The following FAM153A variants were observed in gnomAD, a reference collection of about 807,000 sequenced individuals.
FAM153A encodes protein FAM153A.
In FAM153A, 12 loss-of-function variants were observed where a neutral mutation model predicts 48.1. The ratio of observed to expected loss-of-function variants is 0.25; its 90% CI spans 0.16 to 0.40. The LOEUF is 0.40. FAM153A is among the 10% of genes least tolerant of loss of function. The probability of loss-of-function intolerance (pLI) is 1.00; values close to 1 mark genes in which losing one functional copy is unlikely to be tolerated. For missense variants in FAM153A, 111 were observed against 345.8 expected (o/e 0.32, Z 5.38); for synonymous variants, 36 against 118.2 (o/e 0.30, Z 4.51).
Position 177,778,426 on chromosome 5 carries a change from G to A in FAM153A, c.-57+2023C>T, listed in dbSNP as rs562650049. 1.4e-4 allele frequency among the ~76,000 whole-genome samples: 13 copies of A among 93,128 alleles called. 3 individuals are homozygous for A. In the East Asian group the frequency reaches 4.2e-3, roughly 30 times the overall value. The allele number at this position is 93,128 out of a possible 152,430, so 61.1% of individuals were successfully genotyped here. A position where few individuals can be genotyped will look rare whatever the true frequency, so the allele number is the denominator to read the frequency against. On this transcript the variant is annotated intron_variant, in intron 1 of 8. Coordinates refer to the FAM153A transcript ENST00000393518. ...TTCTAGAAAAAAAAAAAAATGAAAA[G>A]GTGGTCAATTTTCTGCAACTCAACT...
At chr5:177,696,651 G>A in the FAM153A span, among the ~76,000 whole-genome samples, 1 of 149,828 alleles carries the variant, frequency 6.7e-6, no homozygotes, top group Non-Finnish European at 1.5e-5. Flanking sequence ...CAATCCCTAT[G>A]CCAGTACACT....
At chr5:177,705,905 G>T (rs536809414), downstream of FAM153A, among the ~76,000 whole-genome samples, 1,964 of 151,568 alleles carry the variant, frequency 0.013, 22 homozygotes, top group South Asian at 0.025. Context: ...TGATCTGCCC[G>T]CCTCGGCCTC....
chr5:177,715,843 T>TA (rs1561863621), intron 25 of FAM153A, among the ~76,000 whole-genome samples: 1 of 151,740 alleles, frequency 6.6e-6, no homozygotes, highest in African/African-American at 2.4e-5. Flanking sequence ...AGCTAATTTT[T>TA]AAATTTTTTT....
At chr5:177,725,700 G>C (rs1425575701) in intron 18 of FAM153A, among the ~76,000 whole-genome samples, 1 of 151,580 alleles carries the variant, frequency 6.6e-6, no homozygotes, top group Non-Finnish European at 1.5e-5. Flanking sequence ...AGAGAGGAGG[G>C]TGTGACAAGA....
At chr5:177,700,247 TA>T in the FAM153A span, among the ~76,000 whole-genome samples, 8 of 151,904 alleles carry the variant, frequency 5.3e-5, no homozygotes, top group African/African-American at 1.9e-4. Flanking sequence ...TGCTTTAGGG[TA>T]AAAGATTGAG....
chr5:177,700,818 G>A, the FAM153A span, among the ~76,000 whole-genome samples: 9 of 151,706 alleles, frequency 5.9e-5, no homozygotes, highest in Non-Finnish European at 1.2e-4. Flanking sequence ...AAACACCTCA[G>A]TTGCAGGATA....
rs545517480 is a variant in FAM153A at position 177,713,972 on chromosome 5, C to A, written c.*1223-56G>T. On this transcript the variant is annotated intron_variant and NMD_transcript_variant, in intron 25 of 26. Coordinates refer to the FAM153A transcript ENST00000360669. ...AAAGCCAGTTGTGTAATGTGAAATTCGTTTAAAAAATCCTTAACCAAAACA... is the reference window on the plus strand; with the variant it reads ...AAAGCCAGTTGTGTAATGTGAAATTAGTTTAAAAAATCCTTAACCAAAACA... The A allele has an allele frequency of 8.6e-5, 13 of 151,828 alleles. 1 individual carries two copies. The highest frequency in any genetic ancestry group is 3.2e-4 in the African/African-American group (13 of 41,146). The allele number at this position is 151,828 out of a possible 1,614,324, so 9.4% of individuals were successfully genotyped here.
downstream of FAM153A, among the ~76,000 whole-genome samples, chr5:177,709,832 C>T (rs534355617): frequency 1.8e-3 from 221 of 119,900 alleles, no homozygotes; most frequent in Non-Finnish European, 3.1e-3. Context: ...CCACCATGCC[C>T]GGCTAATTTT....
intron 25 of FAM153A, among the ~76,000 whole-genome samples, chr5:177,715,337 A>G (rs568884120): frequency 4.7e-5 from 7 of 148,380 alleles, no homozygotes; most frequent in Admixed American, 2.0e-4. Flanking sequence ...AATTTGCTTA[A>G]TATGCAGCTT....
chr5:177,715,765 ATGATCATAG>A (rs1759608477), intron 25 of FAM153A, among the ~76,000 whole-genome samples: 1 of 151,624 alleles, frequency 6.6e-6, no homozygotes, highest in Admixed American at 6.6e-5. Flanking sequence ...GTGCAGTGGT[ATGATCATAG>A]CTTTCTACAA....
chr5:177,709,089 G>A (rs774844724), downstream of FAM153A, among the ~76,000 whole-genome samples: 122 of 62,326 alleles, frequency 2.0e-3, no homozygotes, highest in Non-Finnish European at 3.0e-3. Flanking sequence ...GTGAGACTCC[G>A]TCTCAAAAAA....
At chr5:177,767,987 C>A (rs1768840406) in intron 1 of FAM153A, among the ~76,000 whole-genome samples, 1 of 74,774 alleles carries the variant, frequency 1.3e-5, no homozygotes, top group Non-Finnish European at 2.7e-5. Context: ...TCAGATTGCA[C>A]AGGTAAAGGG....
chr5:177,701,692 T>A, the FAM153A span, among the ~76,000 whole-genome samples: 1 of 151,752 alleles, frequency 6.6e-6, no homozygotes, highest in Non-Finnish European at 1.5e-5. Flanking sequence ...TAAAGATAGC[T>A]GAAAATGTGG....
downstream of FAM153A, among the ~76,000 whole-genome samples, chr5:177,718,864 A>G (rs1334862218): frequency 6.6e-6 from 1 of 150,700 alleles, no homozygotes; most frequent in Non-Finnish European, 1.5e-5. Flanking sequence ...CCCATCAGAC[A>G]TAAATGAGTC....
the FAM153A span, among the ~76,000 whole-genome samples, chr5:177,698,574 T>A: frequency 1.4e-3 from 218 of 152,052 alleles, 1 homozygote; most frequent in Middle Eastern, 0.01. Flanking sequence ...AGCTTTTTTT[T>A]ATCGTAAGTT....
At chr5:177,758,385 A>C (rs1767959409) in intron 1 of FAM153A, among the ~76,000 whole-genome samples, 2 of 145,720 alleles carry the variant, frequency 1.4e-5, no homozygotes, top group Non-Finnish European at 3.1e-5. Context: ...AATATTGTGA[A>C]AATGGCCATA....
chr5:177,730,128 TC>T, intron 16 of FAM153A, among the ~76,000 whole-genome samples: 1 of 107,490 alleles, frequency 9.3e-6, no homozygotes, highest in Non-Finnish European at 2.1e-5. Context: ...TATTTGTTCT[TC>T]CACTCTCCCT....
the FAM153A span, among the ~76,000 whole-genome samples, chr5:177,701,472 C>T: frequency 1.2e-4 from 18 of 151,742 alleles, no homozygotes; most frequent in East Asian, 1.7e-3. Context: ...GGCTGAGGCA[C>T]GAGTATTGCT....
At chr5:177,755,921 C>A (rs930543710), upstream of FAM153A, among the ~76,000 whole-genome samples, 1 of 148,680 alleles carries the variant, frequency 6.7e-6, no homozygotes, top group African/African-American at 2.5e-5. Context: ...GAAGAAACTG[C>A]GTCAACTAAC....
Sources: gnomAD v4.1 joint callset for allele counts (sites outside exome capture counted in the v4.1 genomes callset) on GRCh38, gnomAD v4.1.1 for gene constraint, MANE v1.5 for transcripts, NCBI Gene and HGNC (gene_info 2026-07-23, HGNC 2026-07-21) for gene names.